Variants in DGKB observed in about 807,000 individuals in gnomAD.
The protein encoded by DGKB is diacylglycerol kinase beta, also known as 90 kDa diacylglycerol kinase.
Under a neutral mutation model 114.3 loss-of-function variants are expected in DGKB, and 67 were observed. The observed-to-expected ratio is 0.59, with a 90% CI of 0.48 to 0.72. The LOEUF (loss-of-function observed/expected upper bound fraction) is 0.72, where lower values mean the gene tolerates loss of function less well. Among genes scored for constraint, DGKB ranks in the 30% least tolerant of loss-of-function variants. The pLI is 0.00. For synonymous variants in DGKB, 398 were observed against 323.1 expected, an observed-to-expected ratio of 1.23 and a Z score of -2.49; for missense variants, 907 against 975.2, an observed-to-expected ratio of 0.93 and a Z score of 0.93.
chr7:14,343,198 C>CA (rs1373930249), intron 22 of DGKB, among the ~76,000 whole-genome samples: 1 of 149,066 alleles, frequency 6.7e-6, no homozygotes, highest in Non-Finnish European at 1.5e-5. Flanking sequence ...CACACACACA[C>CA]AACAAGATAT....
intron 21 of DGKB, among the ~76,000 whole-genome samples, chr7:14,396,562 G>C (rs1433768018): frequency 3.3e-5 from 5 of 152,220 alleles, no homozygotes; most frequent in Non-Finnish European, 1.5e-5. Flanking sequence ...TGGACCAAAA[G>C]GCTGTTTTGA....
chr7:14,500,231 C>T (rs1017354797), intron 20 of DGKB, among the ~76,000 whole-genome samples: 1 of 151,632 alleles, frequency 6.6e-6, no homozygotes, highest in Admixed American at 6.6e-5. Flanking sequence ...ACATCTTTGC[C>T]CTTTAACTGT....
At chr7:14,715,734 A>C (rs1031440771) in intron 6 of DGKB, among the ~76,000 whole-genome samples, 2 of 152,178 alleles carry the variant, frequency 1.3e-5, no homozygotes, top group Non-Finnish European at 2.9e-5. Flanking sequence ...CAAGCAAAAC[A>C]ATGTACAGAG....
At chr7:14,635,484 T>C (rs938084353) in intron 13 of DGKB, among the ~76,000 whole-genome samples, 10 of 151,398 alleles carry the variant, frequency 6.6e-5, no homozygotes, top group Non-Finnish European at 1.3e-4. Context: ...TCCTCAATTA[T>C]AGAAACTGTT....
At position 14,863,906 on chromosome 7, in the gene DGKB, C is replaced by T. The variant is rs372486924; in HGVS notation, c.-187-22456G>A. ...TGTGAGGTCAGGAGTTCGAGACCAG[C>T]CTGACCAACATGGAGAAACCCCATC... On this transcript the variant is annotated intron_variant, in intron 1 of 25. Coordinates refer to ENST00000402815, the MANE Select transcript of DGKB (RefSeq NM_001350709.2). Among the ~76,000 whole-genome samples the T allele has an allele frequency of 9.9e-5, 15 of 151,914 alleles. No individual in the cohort carries two copies. In the East Asian group the frequency reaches 1.2e-3, roughly 12 times the overall value.
At chr7:14,379,667 C>T (rs1366813604) in intron 21 of DGKB, among the ~76,000 whole-genome samples, 1 of 152,134 alleles carries the variant, frequency 6.6e-6, no homozygotes, top group Non-Finnish European at 1.5e-5. Flanking sequence ...TCAAGCAATT[C>T]TCCTCTCTCA....
intron 23 of DGKB, among the ~76,000 whole-genome samples, chr7:14,301,316 T>G (rs1039452309): frequency 2.6e-5 from 4 of 152,132 alleles, no homozygotes; most frequent in African/African-American, 9.7e-5. Flanking sequence ...GCAACTTTTC[T>G]TGGGCATTGG....
At chr7:14,545,139 T>C (rs1794079201) in intron 20 of DGKB, among the ~76,000 whole-genome samples, 1 of 152,142 alleles carries the variant, frequency 6.6e-6, no homozygotes, top group South Asian at 2.1e-4. Flanking sequence ...TCTACTCATT[T>C]CTATGCATCT....
intron 1 of DGKB, among the ~76,000 whole-genome samples, chr7:14,970,062 A>G (rs781327710): frequency 6.6e-6 from 1 of 152,198 alleles, no homozygotes; most frequent in Non-Finnish European, 1.5e-5. Flanking sequence ...GAAAGTGAAA[A>G]TTTATGGGAT....
intron 5 of DGKB, among the ~76,000 whole-genome samples, chr7:14,727,604 T>C (rs542122597): frequency 6.6e-6 from 1 of 152,266 alleles, no homozygotes; most frequent in African/African-American, 2.4e-5. Flanking sequence ...TCAACAGTAA[T>C]AAGTATATCG....
chr7:14,343,157 C>CCCCACACACACA (rs147711009), intron 22 of DGKB, among the ~76,000 whole-genome samples: 2 of 132,850 alleles, frequency 1.5e-5, no homozygotes, highest in African/African-American at 2.9e-5. Context: ...GCCTAGCTAT[C>CCCCACACACACA]CACACACACA....
intron 2 of DGKB, among the ~76,000 whole-genome samples, chr7:14,778,606 T>C (rs1229055042): frequency 6.6e-6 from 1 of 152,148 alleles, no homozygotes; most frequent in African/African-American, 2.4e-5. Flanking sequence ...AACTAGAAGG[T>C]AAAGGTAAAC....
At chr7:14,362,024 T>G (rs1815843552) in intron 21 of DGKB, among the ~76,000 whole-genome samples, 1 of 152,152 alleles carries the variant, frequency 6.6e-6, no homozygotes, top group Admixed American at 6.6e-5. Context: ...TTCTGAATAT[T>G]ATTGGATATT....
intron 23 of DGKB, among the ~76,000 whole-genome samples, chr7:14,220,383 G>T (rs980128122): frequency 6.6e-6 from 1 of 151,268 alleles, no homozygotes; most frequent in Non-Finnish European, 1.5e-5. Flanking sequence ...GAAGACTATT[G>T]TCTCCATTAA....
intron 23 of DGKB, among the ~76,000 whole-genome samples, chr7:14,235,931 C>T (rs149407679): frequency 7.2e-4 from 110 of 152,034 alleles, no homozygotes; most frequent in Middle Eastern, 6.8e-3. Context: ...CATATATGGA[C>T]GCACACACTG....
intron 21 of DGKB, among the ~76,000 whole-genome samples, chr7:14,471,674 C>T (rs1360380850): frequency 6.6e-6 from 1 of 151,730 alleles, no homozygotes; most frequent in East Asian, 1.9e-4. Flanking sequence ...ATTAATACCT[C>T]AAATAATAGT....
At chr7:14,289,920 C>T (rs1373220194) in intron 23 of DGKB, among the ~76,000 whole-genome samples, 1 of 152,134 alleles carries the variant, frequency 6.6e-6, no homozygotes, top group Non-Finnish European at 1.5e-5. Flanking sequence ...ATATTTCTGC[C>T]TTTCATGCTT....
In DGKB at chr7:14,404,460, T is replaced by C. The variant is rs1823623312; in HGVS notation, c.1836-59069A>G. On this transcript the variant is annotated intron_variant, in intron 21 of 25. Transcript: ENST00000402815. ...TTGTCCATTCTACCCAACAGCAAAT[T>C]AGATGCACACTCAACTGCCTACCCT... Among the ~76,000 whole-genome samples, 3 of 151,886 alleles carry C rather than the reference T, an allele frequency of 2.0e-5. No homozygotes were observed. The South Asian group carries it at 6.2e-4, about 31-fold the overall frequency.
upstream of DGKB, among the ~76,000 whole-genome samples, chr7:14,905,243 AGTTT>A: frequency 5.4e-5 from 2 of 37,372 alleles, no homozygotes; most frequent in African/African-American, 1.5e-4. Flanking sequence ...CCATCTTGTT[AGTTT>A]TTTTTTTTTT....
Sources: allele counts gnomAD v4.1 joint callset (sites outside exome capture counted in the v4.1 genomes callset), GRCh38; gene constraint gnomAD v4.1.1; transcripts MANE v1.5; gene names NCBI Gene and HGNC (gene_info 2026-07-23, HGNC 2026-07-21).